The following ZFYVE28 variants were observed in gnomAD, a reference collection of about 807,000 sequenced individuals.
The protein encoded by ZFYVE28 is lateral signaling target protein 2 homolog.
A neutral mutation model predicts 82.1 loss-of-function variants in ZFYVE28; 40 were observed. That is an observed-to-expected ratio of 0.49 (90% CI 0.38 to 0.63). The LOEUF (loss-of-function observed/expected upper bound fraction) is 0.63, where lower values mean the gene tolerates loss of function less well. Ranked by LOEUF, ZFYVE28 falls within the 30% of genes least tolerant of loss-of-function variation. The pLI is 0.00. For synonymous variants in ZFYVE28, 612 were observed against 546.1 expected, an observed-to-expected ratio of 1.12 and a Z score of -1.68; for missense variants, 1,321 against 1,242.1, an observed-to-expected ratio of 1.06 and a Z score of -0.96.
intron 1 of ZFYVE28, among the ~76,000 whole-genome samples, chr4:2,375,563 C>G (rs903523874): frequency 6.6e-6 from 1 of 152,226 alleles, no homozygotes; most frequent in Non-Finnish European, 1.5e-5. Flanking sequence ...TTTGCTTGTG[C>G]TAAAGGACGG....
rs1553815040 is a variant in ZFYVE28 at position 2,283,114 on chromosome 4, A to AT, written c.2052-8899_2052-8898insA. On this transcript the variant is annotated intron_variant, in intron 8 of 12. Coordinates refer to ENST00000290974, the MANE Select transcript of ZFYVE28 (RefSeq NM_020972.3). ...TCTTGTAAAAGTCATCCATCCATCC[A>AT]CCCACCCACCCACTCATCCATTTAC... 5.6e-3 allele frequency among the ~76,000 whole-genome samples: 841 copies of AT among 150,134 alleles called. 2 individuals carry two copies. Among genetic ancestry groups the AT allele is most frequent in the Non-Finnish European group, 9.8e-3 (660 of 67,482 alleles).
rs145252417 is a variant in ZFYVE28 at position 2,304,489 on chromosome 4, T to A, written c.1851A>T (p.Ser617=). ...GCTCCCGCCCGTTGGAGGCATCTTC[T>A]GAGGGTGGGGGCGCCTCCTCCTGTC... ...PERQEEAPPP[S]EDASNGREPK... Residue 617 remains serine, a synonymous_variant, in exon 8 of 13, where the codon TCA becomes TCT. Coordinates refer to ENST00000290974, the MANE Select transcript of ZFYVE28 (RefSeq NM_020972.3). 2 of 1,613,024 alleles carry A rather than the reference T, an allele frequency of 1.2e-6. No homozygotes were observed. The highest frequency in any genetic ancestry group is 3.3e-5 in the Admixed American group (2 of 60,000).
In ZFYVE28 at chr4:2,338,094, G is replaced by A. The variant is rs148734475; in HGVS notation, c.522-598C>T. On this transcript the variant is annotated intron_variant, in intron 4 of 12. Coordinates refer to ENST00000290974, the MANE Select transcript of ZFYVE28 (RefSeq NM_020972.3). The stretch of plus-strand genomic sequence containing the variant: ...CCCACCTTGGCACCAGCCTTAAGGG[G>A]CGAGAGAGAAACGAATGAACACGTG... 5.5e-3 allele frequency among the ~76,000 whole-genome samples: 841 copies of A among 152,358 alleles called. 17 individuals are homozygous for A. Among genetic ancestry groups the A allele is most frequent in the South Asian group, 0.055 (266 of 4,832 alleles).
At chr4:2,334,527 G>T (rs191706813) in intron 6 of ZFYVE28, among the ~76,000 whole-genome samples, 1 of 151,812 alleles carries the variant, frequency 6.6e-6, no homozygotes, top group African/African-American at 2.4e-5. Context: ...GCACTGCCAC[G>T]TGTGCCTGTG....
chr4:2,275,363 T>C (rs1175529056), intron 8 of ZFYVE28, among the ~76,000 whole-genome samples: 2 of 152,208 alleles, frequency 1.3e-5, no homozygotes, highest in African/African-American at 4.8e-5. Context: ...AACTAATTTA[T>C]CTCCTATCTT....
intron 8 of ZFYVE28, among the ~76,000 whole-genome samples, chr4:2,291,762 C>A (rs951000072): frequency 6.6e-6 from 1 of 152,210 alleles, no homozygotes; most frequent in African/African-American, 2.4e-5. Flanking sequence ...ATGCCCATCC[C>A]ACTCCCCACA....
intron 1 of ZFYVE28, among the ~76,000 whole-genome samples, chr4:2,359,290 C>T (rs1404873739): frequency 6.6e-6 from 1 of 151,912 alleles, no homozygotes; most frequent in Non-Finnish European, 1.5e-5. Flanking sequence ...CAAGGCCAGC[C>T]AATTTTTGTA....
At position 2,332,476 on chromosome 4, in the gene ZFYVE28, C is replaced by T. The variant is rs1720864155; in HGVS notation, c.701+3229G>A. 6.6e-6 allele frequency among the ~76,000 whole-genome samples: 1 copy of T among 152,178 alleles called. No homozygotes were observed. Among genetic ancestry groups the T allele is most frequent in the East Asian group, 1.9e-4 (1 of 5,196 alleles). On this transcript the variant is annotated intron_variant, in intron 6 of 12. Transcript: ENST00000290974. This position sits in a 1 kb window ranked among gnomAD's most constrained non-coding sequence, Gnocchi z 4.7. Reference sequence around the variant, plus strand: ...CCTCACGCCTTCAGCTCCTGTCCACCCCATGGGGTCCCTGCACTGAGTCCC... The same window carrying T: ...CCTCACGCCTTCAGCTCCTGTCCACTCCATGGGGTCCCTGCACTGAGTCCC...
intron 8 of ZFYVE28, among the ~76,000 whole-genome samples, chr4:2,301,631 TG>T (rs1206642170): frequency 1.4e-5 from 2 of 144,864 alleles, no homozygotes; most frequent in Non-Finnish European, 1.5e-5. Flanking sequence ...CTGGAGGGGG[TG>T]GGCGTCCACT....
chr4:2,381,163 C>T (rs1415438991), intron 1 of ZFYVE28, among the ~76,000 whole-genome samples: 1 of 106,422 alleles, frequency 9.4e-6, no homozygotes, highest in South Asian at 3.4e-4. Context: ...AGATGAGGAA[C>T]TTGTTGGGAA....
intron 1 of ZFYVE28, among the ~76,000 whole-genome samples, chr4:2,382,671 A>T: frequency 6.6e-6 from 1 of 152,204 alleles, no homozygotes; most frequent in East Asian, 1.9e-4. Flanking sequence ...GCAGAAGGGT[A>T]CTTGCCTTGT....
intron 2 of ZFYVE28, among the ~76,000 whole-genome samples, chr4:2,346,132 T>C (rs1450103695): frequency 7.1e-6 from 1 of 141,580 alleles, no homozygotes; most frequent in African/African-American, 2.6e-5. Flanking sequence ...ATCGAGACCA[T>C]CCTGGCTAAT....
chr4:2,324,554 C>T (rs535644922), intron 6 of ZFYVE28: 3 of 180,926 alleles, frequency 1.7e-5, no homozygotes, highest in African/African-American at 7.1e-5. Context: ...ATCTTCACTC[C>T]TCCCCAGATG....
intron 1 of ZFYVE28, among the ~76,000 whole-genome samples, chr4:2,407,728 T>G (rs1037532393): frequency 6.6e-6 from 1 of 152,078 alleles, no homozygotes; most frequent in Non-Finnish European, 1.5e-5. Context: ...GTAGCTGGGA[T>G]TACAGACGCA....
chr4:2,276,153 G>A (rs1287005470), intron 8 of ZFYVE28, among the ~76,000 whole-genome samples: 4 of 152,202 alleles, frequency 2.6e-5, no homozygotes, highest in African/African-American at 9.6e-5. Context: ...GAGCGGGGGA[G>A]GAGGCTGGAA....
At chr4:2,273,634 T>C (rs1736119727) in intron 9 of ZFYVE28, among the ~76,000 whole-genome samples, 1 of 152,120 alleles carries the variant, frequency 6.6e-6, no homozygotes, top group Admixed American at 6.5e-5. Context: ...CCCTGCACTG[T>C]GCCCACCCCC....
chr4:2,377,768 C>A (rs916463180), intron 1 of ZFYVE28, among the ~76,000 whole-genome samples: 1 of 152,216 alleles, frequency 6.6e-6, no homozygotes, highest in Non-Finnish European at 1.5e-5. Flanking sequence ...CACAATACAT[C>A]TCAGTGTGGA....
In ZFYVE28 at chr4:2,332,610, T is replaced by C. The variant is rs1002301944; in HGVS notation, c.701+3095A>G. Among the ~76,000 whole-genome samples, 2 of 152,164 alleles carry C rather than the reference T, an allele frequency of 1.3e-5. No individual in the cohort carries two copies. The highest frequency in any genetic ancestry group is 4.1e-4 in the South Asian group (2 of 4,830). On this transcript the variant is annotated intron_variant, in intron 6 of 12. Transcript: ENST00000290974. The surrounding 1 kb of genome is among the most constrained non-coding windows in gnomAD (Gnocchi z 4.7). Reference sequence around the variant, plus strand: ...CAGTAGGCACTCAATACTTGCTCACTGAATGAACACAGGAAGGAGCAGGTT... The same window carrying C: ...CAGTAGGCACTCAATACTTGCTCACCGAATGAACACAGGAAGGAGCAGGTT...
intron 7 of ZFYVE28, among the ~76,000 whole-genome samples, chr4:2,318,415 G>A (rs544586785): frequency 1.3e-5 from 2 of 152,130 alleles, no homozygotes; most frequent in Non-Finnish European, 1.5e-5. Flanking sequence ...AAAATTAGCC[G>A]GGCATGGTGG....
Sources: allele counts gnomAD v4.1 joint callset (sites outside exome capture counted in the v4.1 genomes callset), GRCh38; gene constraint gnomAD v4.1.1; non-coding constraint Gnocchi (gnomAD v3.1); transcripts MANE v1.5; gene names NCBI Gene and HGNC (gene_info 2026-07-23, HGNC 2026-07-21).